The following ZBTB20 variants were observed in gnomAD, a reference collection of about 807,000 sequenced individuals.
ZBTB20 encodes zinc finger and BTB domain containing 20.
ZBTB20 carries 9 observed loss-of-function variants against 56.9 expected under a neutral mutation model. That is an observed-to-expected ratio of 0.16 (90% CI 0.10 to 0.28). ZBTB20 has a LOEUF of 0.28. Among genes scored for constraint, ZBTB20 ranks in the 10% least tolerant of loss-of-function variants. The pLI is 1.00. For synonymous variants in ZBTB20, 417 were observed against 420.7 expected (o/e 0.99, Z 0.11); for missense variants, 655 against 1,003.0 (o/e 0.65, Z 4.69).
chr3:114,984,008 G>T (rs767482522), intron 2 of ZBTB20, among the ~76,000 whole-genome samples: 1 of 151,820 alleles, frequency 6.6e-6, no homozygotes, highest in Non-Finnish European at 1.5e-5. Flanking sequence ...TTTGCTCTCT[G>T]AATTTACTTT....
intron 4 of ZBTB20, among the ~76,000 whole-genome samples, chr3:114,836,854 C>T (rs150706282): frequency 5.9e-5 from 9 of 152,268 alleles, no homozygotes; most frequent in African/African-American, 1.9e-4. Flanking sequence ...AAGATGATAT[C>T]ATTCCTTTGG....
At chr3:114,469,996 A>C (rs1051545429) in intron 7 of ZBTB20, among the ~76,000 whole-genome samples, 1 of 152,054 alleles carries the variant, frequency 6.6e-6, no homozygotes, top group Non-Finnish European at 1.5e-5. Context: ...AACAAAAACC[A>C]CTCACCACAC....
intron 4 of ZBTB20, among the ~76,000 whole-genome samples, chr3:114,890,129 T>C (rs2076751107): frequency 6.6e-6 from 1 of 152,176 alleles, no homozygotes; most frequent in Non-Finnish European, 1.5e-5. Context: ...ATATTGTCTC[T>C]TTATTCCCTG....
At chr3:114,537,878 AGAAACAGGAAAC>A (rs977114684) in intron 6 of ZBTB20, among the ~76,000 whole-genome samples, 3 of 152,196 alleles carry the variant, frequency 2.0e-5, no homozygotes, top group African/African-American at 7.2e-5. Flanking sequence ...AAACTAACAC[AGAAACAGGAAAC>A]CAAACACTGC....
At chr3:114,478,275 G>A (rs1018854979) in intron 7 of ZBTB20, among the ~76,000 whole-genome samples, 5 of 152,330 alleles carry the variant, frequency 3.3e-5, no homozygotes, top group Admixed American at 2.0e-4. Flanking sequence ...CTAGACTTCA[G>A]TGTTTCTAAT....
intron 4 of ZBTB20, among the ~76,000 whole-genome samples, chr3:114,897,599 T>C (rs149403997): frequency 2.6e-5 from 4 of 152,144 alleles, no homozygotes; most frequent in African/African-American, 9.6e-5. Flanking sequence ...AGTTTAATGA[T>C]TAATATTCTA....
At chr3:115,098,148 T>C (rs1163016250) in intron 1 of ZBTB20, among the ~76,000 whole-genome samples, 1 of 152,188 alleles carries the variant, frequency 6.6e-6, no homozygotes, top group African/African-American at 2.4e-5. Context: ...AAAAATATTG[T>C]ATCTGAAAAG....
intron 4 of ZBTB20, among the ~76,000 whole-genome samples, chr3:114,889,319 T>C (rs1249842597): frequency 1.3e-4 from 20 of 151,960 alleles, no homozygotes; most frequent in Non-Finnish European, 2.7e-4. Flanking sequence ...TCAAATTCTT[T>C]TTCTTTTGGT....
chr3:114,651,795 C>A (rs2060149188), intron 6 of ZBTB20, among the ~76,000 whole-genome samples: 1 of 152,060 alleles, frequency 6.6e-6, no homozygotes, highest in South Asian at 2.1e-4. Flanking sequence ...AAGGCTGTAT[C>A]TGGGCTTGTT....
Position 114,326,379 on chromosome 3 carries a change from G to A in ZBTB20, c.*12626C>T, listed in dbSNP as rs1220095342. 1 of 152,050 alleles carries A rather than the reference G, an allele frequency of 6.6e-6. No individual in the cohort carries two copies. The highest frequency in any genetic ancestry group is 1.5e-5 in the Non-Finnish European group (1 of 67,992). The allele number at this position is 152,050 out of a possible 1,614,324, so 9.4% of individuals were successfully genotyped here. ...TAGGTAAATACGGTTTCTTTCTCAA[G>A]GAACAGGTTTTTGTTTTAACTGTTC... On this transcript the variant is annotated 3_prime_UTR_variant, in exon 12 of 12. Transcript: ENST00000675478.
intron 3 of ZBTB20, among the ~76,000 whole-genome samples, chr3:114,966,111 T>C (rs1175389361): frequency 6.6e-6 from 1 of 152,184 alleles, no homozygotes; most frequent in African/African-American, 2.4e-5. Flanking sequence ...CCTGTTTTTA[T>C]AGTATTTTAG....
intron 2 of ZBTB20, among the ~76,000 whole-genome samples, chr3:115,033,474 A>AC (rs2080787336): frequency 1.3e-5 from 2 of 151,576 alleles, no homozygotes. Flanking sequence ...TCCTCAAAAA[A>AC]CAAAAAATTG....
chr3:114,459,536 G>C (rs1210168121), intron 7 of ZBTB20, among the ~76,000 whole-genome samples: 1 of 152,078 alleles, frequency 6.6e-6, no homozygotes, highest in Non-Finnish European at 1.5e-5. Context: ...ATTCTACCTT[G>C]TATATTTAAT....
intron 3 of ZBTB20, among the ~76,000 whole-genome samples, chr3:114,900,985 A>G (rs1243322713): frequency 1.3e-5 from 2 of 152,228 alleles, no homozygotes; most frequent in African/African-American, 4.8e-5. Flanking sequence ...GTATTGATAC[A>G]GAAGACTATG....
chr3:114,875,328 G>A (rs1359852432), intron 4 of ZBTB20, among the ~76,000 whole-genome samples: 2 of 152,162 alleles, frequency 1.3e-5, no homozygotes, highest in African/African-American at 2.4e-5. Flanking sequence ...TTAGTTCAGT[G>A]CAGCATATTT....
At chr3:114,514,879 G>T (rs942478590) in intron 6 of ZBTB20, among the ~76,000 whole-genome samples, 2 of 152,132 alleles carry the variant, frequency 1.3e-5, no homozygotes, top group African/African-American at 4.8e-5. Context: ...AAAACAATTT[G>T]CTTCTTGTCA....
chr3:114,316,457 C>A lies in ZBTB20; in HGVS notation c.*22548G>T, dbSNP rs765696749. ...AATGAGCATCTGATTTTGTTATGTG[C>A]ATGTGTGTATATATGCACATATACA... On this transcript the variant is annotated 3_prime_UTR_variant, in exon 12 of 12. Coordinates refer to ENST00000675478, the MANE Select transcript of ZBTB20 (RefSeq NM_001348800.3). 8.2e-6 allele frequency: 4 copies of A among 485,918 alleles called. No individual in the cohort carries two copies. The Admixed American group carries it at 8.8e-5, about 11-fold the overall frequency. The allele number at this position is 485,918 out of a possible 1,614,324, so 30.1% of individuals were successfully genotyped here.
intron 4 of ZBTB20, among the ~76,000 whole-genome samples, chr3:114,833,538 TA>T (rs1367052542): frequency 2.6e-5 from 4 of 152,094 alleles, no homozygotes; most frequent in East Asian, 3.9e-4. Context: ...TTTTATTGTT[TA>T]TTTTTTTTTA....
At chr3:114,361,196 G>A (rs1450561585) in intron 10 of ZBTB20, among the ~76,000 whole-genome samples, 3 of 152,130 alleles carry the variant, frequency 2.0e-5, no homozygotes, top group African/African-American at 7.2e-5. Flanking sequence ...TAAAATCTCT[G>A]TGCTAATCCA....
Sources: gnomAD v4.1 joint callset for allele counts (sites outside exome capture counted in the v4.1 genomes callset) on GRCh38, gnomAD v4.1.1 for gene constraint, MANE v1.5 for transcripts, NCBI Gene and HGNC (gene_info 2026-07-23, HGNC 2026-07-21) for gene names.